DENND4A: variants seen among roughly 807,000 people sequenced by gnomAD.
DENND4A encodes C-myc promoter-binding protein.
A neutral mutation model predicts 199.3 loss-of-function variants in DENND4A; 70 were observed. The observed-to-expected ratio is 0.35, with a 90% CI of 0.29 to 0.43. DENND4A has a LOEUF of 0.43. Among genes scored for constraint, DENND4A ranks in the 20% least tolerant of loss-of-function variants. DENND4A has a pLI of 1.00. For missense variants in DENND4A, 1,723 were observed against 2,255.8 expected, an observed-to-expected ratio of 0.76 and a Z score of 4.78; for synonymous variants, 686 against 766.9, an observed-to-expected ratio of 0.89 and a Z score of 1.74.
At chr15:65,686,773 T>C (rs1007930137) in intron 23 of DENND4A, among the ~76,000 whole-genome samples, 1 of 152,118 alleles carries the variant, frequency 6.6e-6, no homozygotes, top group African/African-American at 2.4e-5. Flanking sequence ...CACTACAGCC[T>C]TGAACTTCTG....
intron 7 of DENND4A, among the ~76,000 whole-genome samples, chr15:65,736,254 T>TTTTTTTA (rs2076112795): frequency 6.6e-6 from 1 of 152,022 alleles, no homozygotes; most frequent in Non-Finnish European, 1.5e-5. Context: ...GAACAATAGA[T>TTTTTTTA]TTTTTTATTT....
At chr15:65,719,997 A>G (rs1169693601) in intron 12 of DENND4A, among the ~76,000 whole-genome samples, 1 of 152,214 alleles carries the variant, frequency 6.6e-6, no homozygotes, top group Non-Finnish European at 1.5e-5. Context: ...ATCTTCAAAG[A>G]TGGCAGAGAA....
At chr15:65,704,412 G>A (rs557818820) in intron 15 of DENND4A, among the ~76,000 whole-genome samples, 6 of 152,172 alleles carry the variant, frequency 3.9e-5, no homozygotes, top group African/African-American at 9.6e-5. Flanking sequence ...CTGTTCCATC[G>A]CCCAAGCTGG....
At chr15:65,737,130 G>A (rs1143412) in intron 7 of DENND4A, among the ~76,000 whole-genome samples, 3 of 151,760 alleles carry the variant, frequency 2.0e-5, no homozygotes, top group Non-Finnish European at 2.9e-5. Flanking sequence ...TGGCATGATC[G>A]TGGCTTACTG....
At chr15:65,699,561 AAT>A (rs2077275368) in intron 20 of DENND4A, among the ~76,000 whole-genome samples, 2 of 150,470 alleles carry the variant, frequency 1.3e-5, no homozygotes, top group African/African-American at 4.9e-5. Context: ...TAAGATATAT[AAT>A]TCTATATACA....
Position 65,690,426 on chromosome 15 carries a change from T to A in DENND4A, c.4168A>T (p.Thr1390Ser). The change falls in exon 23 of 33, where the codon ACA becomes TCA. Residue 1390 changes from threonine to serine, a missense_variant. Coordinates refer to ENST00000443035, the MANE Select transcript of DENND4A (RefSeq NM_001320835.1). ...KWYSRFTMYT[T>S]SSKDQSSDRT... Reference sequence around the variant, plus strand: ...CTAACCAAACTTACCTTAGATGATGTGGTGTACATGGTGAATCTTGAATAC... The same window carrying A: ...CTAACCAAACTTACCTTAGATGATGAGGTGTACATGGTGAATCTTGAATAC... 6.4e-7 allele frequency: 1 copy of A among 1,569,808 alleles called. No individual in the cohort carries two copies. The highest frequency in any genetic ancestry group is 1.4e-5 in the African/African-American group (1 of 73,886).
intron 13 of DENND4A, among the ~76,000 whole-genome samples, chr15:65,717,497 A>G (rs1378506398): frequency 6.6e-6 from 1 of 152,154 alleles, no homozygotes; most frequent in African/African-American, 2.4e-5. Flanking sequence ...GAAAGCTGAA[A>G]GTATCAGTAT....
chr15:65,775,125 T>A (rs1464948235), intron 1 of DENND4A, among the ~76,000 whole-genome samples: 1 of 152,038 alleles, frequency 6.6e-6, no homozygotes, highest in Non-Finnish European at 1.5e-5. Flanking sequence ...AAAACTACCA[T>A]AAAAGTAAAC....
Position 65,667,652 on chromosome 15 carries a change from G to T in DENND4A, c.5038C>A (p.Pro1680Thr). The change falls in exon 29 of 33, where the codon CCG (proline) becomes ACG (threonine). Residue 1680 changes from proline to threonine, a missense_variant. By Grantham distance (38) the Pro-to-Thr change is conservative. Transcript: ENST00000443035. ...HLPSPDPVTV[P>T]YLSPLVVWKE... Reference sequence around the variant, plus strand: ...CATACCACTAAAGGACTAAGATACGGAACAGTGACAGGATCGGGACTTGGA... The same window carrying T: ...CATACCACTAAAGGACTAAGATACGTAACAGTGACAGGATCGGGACTTGGA... 2 of 1,613,936 alleles carry T rather than the reference G, an allele frequency of 1.2e-6. No homozygotes were observed. Among genetic ancestry groups the T allele is most frequent in the Non-Finnish European group, 1.7e-6 (2 of 1,179,866 alleles).
chr15:65,685,976 T>C (rs1457962351), intron 23 of DENND4A, among the ~76,000 whole-genome samples: 3 of 152,226 alleles, frequency 2.0e-5, no homozygotes, highest in Non-Finnish European at 4.4e-5. Flanking sequence ...TCCAACTTTT[T>C]CTTTTTCCAA....
chr15:65,727,977 T>C (rs2075853341), intron 11 of DENND4A: 1 of 173,252 alleles, frequency 5.8e-6, no homozygotes. Context: ...TAAAGCATTA[T>C]TTTACTATGA....
Position 65,701,126 on chromosome 15 carries a change from T to C in DENND4A, c.2626A>G (p.Asn876Asp). 8.1e-6 allele frequency: 13 copies of C among 1,610,784 alleles called. No homozygotes were observed. Among genetic ancestry groups the C allele is most frequent in the African/African-American group, 1.3e-5 (1 of 74,944 alleles). The change falls in exon 19 of 33, where the codon AAT becomes GAT. Residue 876 changes from asparagine to aspartate, a missense_variant. Asn to Asp is a conservative substitution (Grantham distance 23). This residue lies in a region of DENND4A where 650 missense variants were observed against 738.1 expected (regional missense o/e 0.88). Transcript: ENST00000443035. The stretch of plus-strand genomic sequence containing the variant: ...AACTGTGTTACTCCTAAAACAACAT[T>C]TCTTACTTTTGTCCAAAGAAAATAG... ...SGYFLWTKVRNVVLGVTQFKR... is the reference protein window; with the variant it reads ...SGYFLWTKVRDVVLGVTQFKR...
chr15:65,699,943 G>A (rs923070997), intron 20 of DENND4A, among the ~76,000 whole-genome samples: 8 of 151,806 alleles, frequency 5.3e-5, no homozygotes, highest in Non-Finnish European at 1.2e-4. Flanking sequence ...TTCCCAAGGT[G>A]CTGGGATTAC....
intron 13 of DENND4A, 30 bp downstream of exon 13, chr15:65,717,748 T>C (rs1190544524): frequency 1.3e-6 from 2 of 1,529,970 alleles, no homozygotes; most frequent in Non-Finnish European, 8.8e-7. Context: ...CTCAATAACC[T>C]GAAAGCTTTA....
chr15:65,780,185 C>T, intron 1 of DENND4A, among the ~76,000 whole-genome samples: 1 of 152,282 alleles, frequency 6.6e-6, no homozygotes, highest in East Asian at 1.9e-4. Flanking sequence ...TACAGGTGTG[C>T]ACCACCCCGC....
intron 4 of DENND4A, among the ~76,000 whole-genome samples, chr15:65,744,291 G>A (rs541526814): frequency 6.6e-5 from 10 of 152,166 alleles, no homozygotes; most frequent in Non-Finnish European, 7.4e-5. Context: ...AGCAGGTTTG[G>A]GGTGAAGATA....
intron 19 of DENND4A, 59 bp downstream of exon 19, chr15:65,700,992 T>G: frequency 6.6e-7 from 1 of 1,515,762 alleles, no homozygotes; most frequent in Non-Finnish European, 8.9e-7. Flanking sequence ...TTTCTAAAAA[T>G]GTAAACTGTA....
chr15:65,698,172 G>A (rs576148539), intron 20 of DENND4A, among the ~76,000 whole-genome samples: 1 of 152,236 alleles, frequency 6.6e-6, no homozygotes, highest in Admixed American at 6.5e-5. Flanking sequence ...GGGAGGCTGA[G>A]GTGGGAAGAT....
chr15:65,732,870 T>C (rs1357975790), intron 7 of DENND4A, 52 bp from the exon 8 acceptor site: 12 of 1,120,686 alleles, frequency 1.1e-5, no homozygotes, highest in Non-Finnish European at 1.6e-5. Context: ...TCATATGCTA[T>C]AAAGCTCAAC....
Sources: gnomAD v4.1 joint callset for allele counts (sites outside exome capture counted in the v4.1 genomes callset) on GRCh38, gnomAD v4.1.1 for gene constraint, gnomAD v4.1.1 regional missense constraint, MANE v1.5 for transcripts, NCBI Gene and HGNC (gene_info 2026-07-23, HGNC 2026-07-21) for gene names.